TERF1: variants seen among roughly 807,000 people sequenced by gnomAD.
TERF1 encodes the protein telomeric repeat binding factor 1.
In TERF1, 20 loss-of-function variants were observed where a neutral mutation model predicts 55.1. That is an observed-to-expected ratio of 0.36 (90% confidence interval 0.26 to 0.53). The LOEUF is 0.53. TERF1 is among the 20% of genes least tolerant of loss of function. The pLI is 0.91. For synonymous variants in TERF1, 168 were observed against 181.2 expected (o/e 0.93, Z 0.59); for missense variants, 439 against 535.7 (o/e 0.82, Z 1.78).
chr8:73,012,809 TTTAA>T (rs1191599381), intron 1 of TERF1: 2 of 418,564 alleles, frequency 4.8e-6, no homozygotes, highest in African/African-American at 4.1e-5. Flanking sequence ...TCATTAAAAT[TTTAA>T]TTAGTTACTT....
Position 73,046,978 on chromosome 8 carries a change from TGA to T in TERF1, c.*842_*843del. The T allele has an allele frequency of 6.6e-6, 1 of 152,170 alleles. No homozygotes were observed. Among genetic ancestry groups the T allele is most frequent in the South Asian group, 2.1e-4 (1 of 4,816 alleles). The allele number at this position is 152,170 out of a possible 1,614,324, so 9.4% of individuals were successfully genotyped here. The stretch of plus-strand genomic sequence containing the variant: ...GTAGTTTCATGTAAAGAAAAAAACT[TGA>T]AAATAGTAATACCTGAGTACCCATG... On this transcript the variant is annotated 3_prime_UTR_variant, in exon 10 of 10. Coordinates refer to ENST00000276603, the MANE Select transcript of TERF1 (RefSeq NM_017489.3).
intron 4 of TERF1, among the ~76,000 whole-genome samples, chr8:73,024,217 A>C (rs748744303): frequency 6.6e-6 from 1 of 152,236 alleles, no homozygotes; most frequent in Non-Finnish European, 1.5e-5. Flanking sequence ...AGAATGGATG[A>C]ATAAGTGATG....
intron 8 of TERF1, among the ~76,000 whole-genome samples, chr8:73,032,660 T>C (rs1215210990): frequency 6.6e-6 from 1 of 152,184 alleles, no homozygotes; most frequent in African/African-American, 2.4e-5. Flanking sequence ...GCCCCATTTC[T>C]CAGAACATAT....
Position 73,037,396 on chromosome 8 carries a change from T to G in TERF1, c.1040-1720T>G, listed in dbSNP as rs573049520. On this transcript the variant is annotated intron_variant, in intron 8 of 9. Transcript: ENST00000276603. ...TTCAACCAACCTTGGAATAAAATATTTGGGGGGAAAATACATATAAATTTT... is the reference window on the plus strand; with the variant it reads ...TTCAACCAACCTTGGAATAAAATATGTGGGGGGAAAATACATATAAATTTT... 2.3e-3 allele frequency among the ~76,000 whole-genome samples: 263 copies of G among 113,424 alleles called. 2 individuals are homozygous for G. Among genetic ancestry groups the G allele is most frequent in the South Asian group, 6.4e-3 (23 of 3,568 alleles). The allele number at this position is 113,424 out of a possible 152,430, so 74.4% of individuals were successfully genotyped here. A position where few individuals can be genotyped will look rare whatever the true frequency, so the allele number is the denominator to read the frequency against.
intron 2 of TERF1, among the ~76,000 whole-genome samples, chr8:73,015,162 G>A (rs1462280706): frequency 2.0e-5 from 3 of 152,018 alleles, no homozygotes; most frequent in Non-Finnish European, 2.9e-5. Flanking sequence ...TTTAATCTTG[G>A]AATTTACCAG....
At chr8:73,014,189 T>C (rs1808397018) in intron 2 of TERF1, among the ~76,000 whole-genome samples, 199 bp downstream of exon 2, 1 of 151,868 alleles carries the variant, frequency 6.6e-6, no homozygotes, top group Admixed American at 6.6e-5. Flanking sequence ...CCTGTCATCT[T>C]AGAACATTGG....
intron 4 of TERF1, among the ~76,000 whole-genome samples, chr8:73,023,752 C>T (rs752722998): frequency 6.6e-5 from 10 of 152,148 alleles, no homozygotes; most frequent in Non-Finnish European, 1.0e-4. Flanking sequence ...ATTGAAATAC[C>T]ACTTTCCATG....
intron 8 of TERF1, among the ~76,000 whole-genome samples, chr8:73,033,386 A>C (rs1809374593): frequency 6.6e-6 from 1 of 152,164 alleles, no homozygotes; most frequent in East Asian, 1.9e-4. Flanking sequence ...AAATGAGAAT[A>C]ATGTGAGCAT....
chr8:73,037,709 T>G (rs1481082856), intron 8 of TERF1, among the ~76,000 whole-genome samples: 7 of 84,856 alleles, frequency 8.2e-5, no homozygotes, highest in Non-Finnish European at 1.5e-4. Context: ...TAATATTATA[T>G]TATATATAAT....
intron 2 of TERF1, among the ~76,000 whole-genome samples, chr8:73,019,502 T>G (rs1259692123): frequency 6.6e-6 from 1 of 152,182 alleles, no homozygotes; most frequent in African/African-American, 2.4e-5. Context: ...CCATCATCTT[T>G]CTAAGAGTAT....
intron 1 of TERF1, chr8:73,012,792 G>A (rs1009397577): frequency 2.0e-5 from 8 of 404,848 alleles, no homozygotes; most frequent in Admixed American, 7.9e-5. Flanking sequence ...CCTATCCTTC[G>A]TGGTACTCAT....
At chr8:73,015,705 TAA>T (rs1247823455) in intron 2 of TERF1, among the ~76,000 whole-genome samples, 8 of 151,974 alleles carry the variant, frequency 5.3e-5, no homozygotes, top group Admixed American at 3.3e-4. Flanking sequence ...AATAAAAAGT[TAA>T]CCACGTGTGG....
chr8:73,027,639 A>G (rs1398216927), intron 6 of TERF1, among the ~76,000 whole-genome samples: 1 of 152,212 alleles, frequency 6.6e-6, no homozygotes, highest in Non-Finnish European at 1.5e-5. Flanking sequence ...TGAGAAAGAT[A>G]TAACTCTTAA....
At chr8:73,041,116 T>C (rs537462223) in intron 9 of TERF1, among the ~76,000 whole-genome samples, 6 of 152,330 alleles carry the variant, frequency 3.9e-5, no homozygotes, top group African/African-American at 1.4e-4. Context: ...GTGCTTGCTT[T>C]GTCTCTTCAG....
intron 2 of TERF1, among the ~76,000 whole-genome samples, chr8:73,018,632 C>T (rs1446464717): frequency 6.6e-6 from 1 of 152,118 alleles, no homozygotes; most frequent in Admixed American, 6.6e-5. Flanking sequence ...GCCGAGATCG[C>T]GTCACTTCAC....
intron 1 of TERF1, among the ~76,000 whole-genome samples, chr8:73,012,677 A>G (rs1359805359): frequency 1.3e-5 from 2 of 152,154 alleles, no homozygotes; most frequent in Non-Finnish European, 2.9e-5. Flanking sequence ...GTCTCAAAAA[A>G]AAAAAAAGGT....
At chr8:73,041,431 C>T (rs56184004) in intron 9 of TERF1, among the ~76,000 whole-genome samples, 2,353 of 152,194 alleles carry the variant, frequency 0.015, 24 homozygotes, top group Middle Eastern at 0.078. Flanking sequence ...GGAGGTGAAG[C>T]GTTCTGGAGT....
At chr8:73,045,877 A>AT in intron 9 of TERF1, 84 bp from the exon 10 acceptor site, 2 of 1,125,574 alleles carry the variant, frequency 1.8e-6, no homozygotes, top group Non-Finnish European at 2.4e-6. Flanking sequence ...CATTATTTTG[A>AT]TTTTTTAAAA....
intron 9 of TERF1, among the ~76,000 whole-genome samples, chr8:73,044,968 A>T (rs1809975579): frequency 6.6e-6 from 1 of 152,196 alleles, no homozygotes; most frequent in Non-Finnish European, 1.5e-5. Context: ...ACTATTGTGA[A>T]TAATGCTGCT....
Sources: gnomAD v4.1 joint callset for allele counts (sites outside exome capture counted in the v4.1 genomes callset) on GRCh38, gnomAD v4.1.1 for gene constraint, MANE v1.5 for transcripts, NCBI Gene and HGNC (gene_info 2026-07-23, HGNC 2026-07-21) for gene names.